The following DBR1 variants were observed in gnomAD, a reference collection of about 807,000 sequenced individuals.
DBR1 encodes the protein lariat debranching enzyme.
DBR1 carries 33 observed loss-of-function variants against 45.9 expected under a neutral mutation model. That is an observed-to-expected ratio of 0.72 (90% confidence interval 0.55 to 0.96). The LOEUF (loss-of-function observed/expected upper bound fraction) is 0.96. Ranked by LOEUF, DBR1 falls within the 40% of genes least tolerant of loss-of-function variation. The pLI is 0.00. For synonymous variants in DBR1, 235 were observed against 235.9 expected (o/e 1.00, Z 0.04); for missense variants, 619 against 667.4 (o/e 0.93, Z 0.80).
intron 5 of DBR1, 67 bp from the exon 6 acceptor site, chr3:138,163,925 G>A: frequency 3.6e-6 from 4 of 1,111,294 alleles, no homozygotes; most frequent in Non-Finnish European, 5.4e-6. Context: ...TTCATACACG[G>A]AATAGGATGA....
In DBR1 at chr3:138,162,565, G is replaced by A. The variant is rs1443141037; in HGVS notation, c.959C>T (p.Thr320Ile). The part of the protein sequence containing the change: ...GLHARWDYSA[T>I]EEGMKEVLEK... ...CAATACTTCTTTCATACCTTCTTCTGTTGCACTATAATCCCACCTATAAAA... is the reference window on the plus strand; with the variant it reads ...CAATACTTCTTTCATACCTTCTTCTATTGCACTATAATCCCACCTATAAAA... The change falls in exon 8 of 8, where the codon ACA becomes ATA. Residue 320 changes from threonine (T) to isoleucine (I), a missense_variant. By Grantham distance (89) the Thr-to-Ile change is moderately conservative (BLOSUM62 -1). This residue lies in a region of DBR1 where 430 missense variants were observed against 447.7 expected (regional missense o/e 0.96). Transcript: ENST00000260803. 6.2e-7 allele frequency: 1 copy of A among 1,610,622 alleles called. No individual in the cohort carries two copies. Among genetic ancestry groups the A allele is most frequent in the Non-Finnish European group, 8.5e-7 (1 of 1,177,040 alleles).
At chr3:138,163,687 A>G in intron 6 of DBR1, 91 bp downstream of exon 6, 2 of 982,782 alleles carry the variant, frequency 2.0e-6, no homozygotes, top group Non-Finnish European at 2.8e-6. Flanking sequence ...TAAATTACAA[A>G]CAGAACAAAA....
intron 1 of DBR1, among the ~76,000 whole-genome samples, chr3:138,174,023 G>GAAAAA (rs138787515): frequency 2.4e-5 from 3 of 123,916 alleles, no homozygotes; most frequent in Non-Finnish European, 1.7e-5. Flanking sequence ...TCTGTCTCAA[G>GAAAAA]AAAAAAAAAA....
chr3:138,163,479 G>A lies in DBR1; in HGVS notation c.811C>T (p.His271Tyr). Reference protein sequence around the residue: ...RDFLQILEIEHDPSAPDYLEY... With the variant: ...RDFLQILEIEYDPSAPDYLEY... The stretch of plus-strand genomic sequence containing the variant: ...AAGTAATCAGGAGCACTGGGGTCAT[G>A]TTCTATCTCTAATATCTACAGGATG... The change falls in exon 7 of 8, where the codon CAT becomes TAT. Residue 271 changes from histidine to tyrosine, a missense_variant. This residue lies in a region of DBR1 where 430 missense variants were observed against 447.7 expected (regional missense o/e 0.96). Coordinates refer to ENST00000260803, the MANE Select transcript of DBR1 (RefSeq NM_016216.4). 6.2e-7 allele frequency: 1 copy of A among 1,601,006 alleles called. No homozygotes were observed. The highest frequency in any genetic ancestry group is 8.5e-7 in the Non-Finnish European group (1 of 1,169,628).
In DBR1 at chr3:138,161,956, T is replaced by G; in HGVS notation, c.1568A>C (p.Lys523Thr). Reference sequence around the variant, plus strand: ...GGCTTGATTCCTCCTCTTAATTTTCTTTCTTTGTTCAGGTTCATGTTCATC... The same window carrying G: ...GGCTTGATTCCTCCTCTTAATTTTCGTTCTTTGTTCAGGTTCATGTTCATC... ...LSDEHEPEQR[K>T]KIKRRNQAIY... Residue 523 changes from lysine (K) to threonine (T), a missense_variant, in exon 8 of 8, where the codon AAG becomes ACG. By Grantham distance (78) the Lys-to-Thr change is moderately conservative. Around this residue, in one of 3 missense-constraint regions of DBR1, gnomAD observed 182 missense variants for 196.1 expected, o/e 0.93. Transcript: ENST00000260803. The G allele has an allele frequency of 6.2e-7, 1 of 1,614,218 alleles. No homozygotes were observed. The highest frequency in any genetic ancestry group is 1.1e-5 in the South Asian group (1 of 91,082).
At chr3:138,173,835 G>C (rs921607968) in intron 1 of DBR1, among the ~76,000 whole-genome samples, 29 of 151,926 alleles carry the variant, frequency 1.9e-4, no homozygotes, top group African/African-American at 6.3e-4. Flanking sequence ...TCAGGAGTTC[G>C]AGACCAACCT....
intron 1 of DBR1, 41 bp downstream of exon 1, chr3:138,174,555 TCCC>T: frequency 5.6e-6 from 8 of 1,437,552 alleles, no homozygotes; most frequent in Non-Finnish European, 6.7e-6. Flanking sequence ...GGGAACCCAG[TCCC>T]ACCCCCCCAC....
At chr3:138,170,035 G>A in intron 4 of DBR1, 72 bp downstream of exon 4, 1 of 985,142 alleles carries the variant, frequency 1.0e-6, no homozygotes, top group Non-Finnish European at 1.6e-6. Context: ...ATACCAATAT[G>A]ACCAAAATAC....
intron 7 of DBR1, among the ~76,000 whole-genome samples, chr3:138,162,853 A>C (rs1000010717): frequency 2.6e-5 from 4 of 152,200 alleles, no homozygotes; most frequent in Non-Finnish European, 5.9e-5. Flanking sequence ...TTCACTTATA[A>C]ATTTATTTGA....
chr3:138,171,667 G>T lies in DBR1; in HGVS notation c.369C>A (p.Ile123=). Residue 123 remains isoleucine, a synonymous_variant, in exon 3 of 8, where the codon ATC becomes ATA. Coordinates refer to ENST00000260803, the MANE Select transcript of DBR1 (RefSeq NM_016216.4). The part of the protein sequence containing the change: ...VKYRGVRIGG[I]SGIFKSHDYR... Reference sequence around the variant, plus strand: ...AGTCATGAGATTTAAAGATACCAGAGATTCCACCGATCCTTACACCTCGGT... The same window carrying T: ...AGTCATGAGATTTAAAGATACCAGATATTCCACCGATCCTTACACCTCGGT... 1 of 1,613,500 alleles carries T rather than the reference G, an allele frequency of 6.2e-7. No individual in the cohort carries two copies. The highest frequency in any genetic ancestry group is 1.1e-5 in the South Asian group (1 of 91,062).
intron 5 of DBR1, among the ~76,000 whole-genome samples, chr3:138,164,825 T>G (rs1211316352): frequency 6.6e-6 from 1 of 152,172 alleles, no homozygotes; most frequent in African/African-American, 2.4e-5. Context: ...TTTTGTATTT[T>G]TAGTAGAGAT....
In DBR1 at chr3:138,173,517, T is replaced by C. The variant is rs377098255; in HGVS notation, c.307A>G (p.Asn103Asp). 28 of 1,613,826 alleles carry C rather than the reference T, an allele frequency of 1.7e-5. No homozygotes were observed. In the Middle Eastern group the frequency reaches 4.9e-4, roughly 28 times the overall value. ...AATCACATACCTAAATAATAAATGT[T>C]TGGTGCCACCCAGCCACCATAGGGT... is the stretch of plus-strand genomic sequence containing the variant. Reference protein sequence around the residue: ...ELPYGGWVAPNIYYLGLAGVV... With the variant: ...ELPYGGWVAPDIYYLGLAGVV... Residue 103 changes from asparagine to aspartate, a missense_variant, in exon 2 of 8, where the codon AAC becomes GAC. By Grantham distance (23) the Asn-to-Asp change is conservative. Transcript: ENST00000260803.
At chr3:138,174,197 CAGTAAA>C (rs2042968082) in intron 1 of DBR1, among the ~76,000 whole-genome samples, 1 of 152,064 alleles carries the variant, frequency 6.6e-6, no homozygotes, top group African/African-American at 2.4e-5. Context: ...AGCAGGGGCC[CAGTAAA>C]AACTTCAGGA....
At chr3:138,168,475 G>A (rs898729715) in intron 4 of DBR1, among the ~76,000 whole-genome samples, 18 of 148,988 alleles carry the variant, frequency 1.2e-4, no homozygotes, top group African/African-American at 2.7e-4. Flanking sequence ...AGCCAAGATC[G>A]CACTGTTGCA....
At chr3:138,168,758 A>T (rs944306046) in intron 4 of DBR1, among the ~76,000 whole-genome samples, 2 of 152,200 alleles carry the variant, frequency 1.3e-5, no homozygotes, top group Non-Finnish European at 2.9e-5. Context: ...AGAGTTTGAG[A>T]CCAGCCTGGG....
At position 138,161,972 on chromosome 3, in the gene DBR1, C is replaced by T; in HGVS notation, c.1552G>A (p.Glu518Lys). Residue 518 changes from glutamate (E) to lysine (K), a missense_variant, in exon 8 of 8, where the codon GAA becomes AAA. By Grantham distance (56) the Glu-to-Lys change is moderately conservative. This residue lies in a region of DBR1 where 182 missense variants were observed against 196.1 expected (regional missense o/e 0.93). Coordinates refer to ENST00000260803, the MANE Select transcript of DBR1 (RefSeq NM_016216.4). The part of the protein sequence containing the change: ...VPLKRLSDEH[E>K]PEQRKKIKRR... ...TTAATTTTCTTTCTTTGTTCAGGTTCATGTTCATCACTCAGCCTCTTCAAT... is the reference window on the plus strand; with the variant it reads ...TTAATTTTCTTTCTTTGTTCAGGTTTATGTTCATCACTCAGCCTCTTCAAT... 1 of 1,614,198 alleles carries T rather than the reference C, an allele frequency of 6.2e-7. No individual in the cohort carries two copies. The highest frequency in any genetic ancestry group is 1.3e-5 in the African/African-American group (1 of 75,056).
chr3:138,173,641 CAA>C lies in DBR1; in HGVS notation c.198-17_198-16del. Reference sequence around the variant, plus strand: ...CAGAGTAATACCTAGAACATAAGAGCAAAGTCAGTTACCACAATTAGGCATAG... The same window carrying C: ...CAGAGTAATACCTAGAACATAAGAGCAGTCAGTTACCACAATTAGGCATAG... On this transcript the variant is annotated splice_polypyrimidine_tract_variant and intron_variant, in intron 1 of 7. Transcript: ENST00000260803. The C allele has an allele frequency of 1.3e-6, 2 of 1,596,038 alleles. No homozygotes were observed. Among genetic ancestry groups the C allele is most frequent in the Non-Finnish European group, 1.7e-6 (2 of 1,170,972 alleles).
At chr3:138,173,454 G>C (rs569828630) in intron 2 of DBR1, 48 bp downstream of exon 2, 2 of 1,601,652 alleles carry the variant, frequency 1.2e-6, no homozygotes, top group East Asian at 4.5e-5. Flanking sequence ...ATCCTGATAA[G>C]CTCTTCCATC....
chr3:138,171,693 A>T lies in DBR1; in HGVS notation c.343T>A (p.Tyr115Asn). 2 of 1,613,494 alleles carry T rather than the reference A, an allele frequency of 1.2e-6. No homozygotes were observed. Among genetic ancestry groups the T allele is most frequent in the Non-Finnish European group, 1.7e-6 (2 of 1,179,514 alleles). Residue 115 changes from tyrosine (Y) to asparagine (N), a missense_variant, in exon 3 of 8, where the codon TAC becomes AAC. Physicochemically the swap from Tyr to Asn is moderately radical, Grantham distance 143. Transcript: ENST00000260803. ...YYLGLAGVVK[Y>N]RGVRIGGISG... ...ATTCCACCGATCCTTACACCTCGGT[A>T]TTTTACCACACCAGCCAAACCTAAA...
Sources: gnomAD v4.1 joint callset for allele counts (sites outside exome capture counted in the v4.1 genomes callset) on GRCh38, gnomAD v4.1.1 for gene constraint, gnomAD v4.1.1 regional missense constraint, MANE v1.5 for transcripts, NCBI Gene and HGNC (gene_info 2026-07-23, HGNC 2026-07-21) for gene names.